NT5C1B: variants seen among roughly 807,000 people sequenced by gnomAD.
NT5C1B encodes the protein cytosolic 5'-nucleotidase 1B.
NT5C1B carries 44 observed loss-of-function variants against 57.8 expected under a neutral mutation model. The observed-to-expected ratio is 0.76, with a 90% CI of 0.60 to 0.98. NT5C1B has a LOEUF of 0.98. Ranked by LOEUF, NT5C1B falls within the 50% of genes least tolerant of loss-of-function variation. The pLI is 0.00. For missense variants in NT5C1B, 742 were observed against 719.5 expected, an observed-to-expected ratio of 1.03 and a Z score of -0.36; for synonymous variants, 284 against 282.6, an observed-to-expected ratio of 1.00 and a Z score of -0.05.
exon 1 of NT5C1B, chr2:18,589,523 C>T: frequency 6.2e-7 from 1 of 1,613,228 alleles, no homozygotes. Flanking sequence ...CTCCCCAGCT[C>T]CATTTCCTGT....
In NT5C1B at chr2:18,586,269, C is replaced by CCTGCTT. The variant is rs1276478538; in HGVS notation, c.237_242dup (p.Ser80_Arg81dup). The stretch of plus-strand genomic sequence containing the variant: ...TTACCTCTACCTTAGCACTGGTGTT[C>CCTGCTT]CTGCTTCTAGGCTCATCTATGGATG... On this transcript the variant is annotated inframe_insertion, in exon 3 of 9. Transcript: ENST00000304081. The CCTGCTT allele has an allele frequency of 1.9e-6, 3 of 1,613,968 alleles. No homozygotes were observed. In the African/African-American group the frequency reaches 4.0e-5, roughly 22 times the overall value.
chr2:18,563,388 ACTC>A (rs1482866195), exon 9 of NT5C1B: 1 of 154,702 alleles, frequency 6.5e-6, no homozygotes, highest in Admixed American at 6.5e-5. Flanking sequence ...GCTTAACCAT[ACTC>A]CTTCTACCTT....
chr2:18,564,176 T>C (rs1572289458), intron 8 of NT5C1B, 57 bp from the exon 9 acceptor site: 1 of 1,499,224 alleles, frequency 6.7e-7, no homozygotes, highest in African/African-American at 1.4e-5. Flanking sequence ...AAGTGAATGC[T>C]AAAAAGCAGA....
At chr2:18,580,870 T>C (rs183680920) in intron 6 of NT5C1B, among the ~76,000 whole-genome samples, 6 of 152,300 alleles carry the variant, frequency 3.9e-5, no homozygotes, top group African/African-American at 9.6e-5. Context: ...TTCTCACTTA[T>C]AAGTGGGAGC....
Position 18,586,342 on chromosome 2 carries a change from A to G in NT5C1B, c.170T>C (p.Val57Ala), listed in dbSNP as rs371760155. 4 of 1,614,160 alleles carry G rather than the reference A, an allele frequency of 2.5e-6. No individual in the cohort carries two copies. The South Asian group carries it at 4.4e-5, about 18-fold the overall frequency. ...GGATATTCTAGACCATTGACTGCGC[A>G]CAAGGTACCCTCGAGAGTCTGTCTT... The change falls in exon 3 of 9, where the codon GTG becomes GCG. Residue 57 changes from valine to alanine, a missense_variant. By Grantham distance (64) the Val-to-Ala change is moderately conservative. Coordinates refer to ENST00000304081, the Ensembl canonical transcript of NT5C1B.
intron 3 of NT5C1B, among the ~76,000 whole-genome samples, chr2:18,585,604 T>C (rs1404093330): frequency 2.0e-5 from 3 of 152,040 alleles, no homozygotes; most frequent in Admixed American, 6.6e-5. Context: ...TCTTCCCAAA[T>C]AGGGAAGGGC....
chr2:18,563,048 G>T (rs1049512370), exon 9 of NT5C1B: 10 of 148,914 alleles, frequency 6.7e-5, no homozygotes, highest in Non-Finnish European at 1.2e-4. Flanking sequence ...GTCACTTTTT[G>T]AAGTGGTAGC....
intron 6 of NT5C1B, among the ~76,000 whole-genome samples, chr2:18,582,579 C>T (rs1183983746): frequency 1.3e-5 from 2 of 152,158 alleles, no homozygotes; most frequent in Non-Finnish European, 2.9e-5. Context: ...AAGTCAAGTT[C>T]AGAAGTGAAA....
intron 8 of NT5C1B, among the ~76,000 whole-genome samples, chr2:18,570,726 T>A (rs568586043): frequency 5.3e-5 from 8 of 152,194 alleles, no homozygotes; most frequent in African/African-American, 1.9e-4. Context: ...AAAGTCAGAT[T>A]AAGATATTAC....
At chr2:18,581,994 T>C (rs1171599018) in intron 6 of NT5C1B, among the ~76,000 whole-genome samples, 1 of 152,212 alleles carries the variant, frequency 6.6e-6, no homozygotes, top group Non-Finnish European at 1.5e-5. Context: ...GAGGGATAGA[T>C]AGACCTCAAT....
intron 6 of NT5C1B, among the ~76,000 whole-genome samples, chr2:18,577,805 G>A (rs1410670022): frequency 2.0e-5 from 3 of 151,410 alleles, no homozygotes; most frequent in Non-Finnish European, 2.9e-5. Flanking sequence ...ATATACAAAA[G>A]ATCAAAAAAC....
intron 6 of NT5C1B, among the ~76,000 whole-genome samples, chr2:18,580,817 C>A (rs1666119461): frequency 1.3e-5 from 2 of 152,170 alleles, no homozygotes; most frequent in South Asian, 4.2e-4. Flanking sequence ...AGGCTATTAT[C>A]CTAAGTGAAT....
intron 8 of NT5C1B, among the ~76,000 whole-genome samples, chr2:18,575,907 T>C (rs1040937374): frequency 1.3e-5 from 2 of 152,264 alleles, no homozygotes; most frequent in South Asian, 2.1e-4. Context: ...TTACTCCCAA[T>C]TGGGAGAGGG....
intron 1 of NT5C1B, 67 bp from the exon 2 acceptor site, chr2:18,587,659 GA>G: frequency 6.5e-7 from 1 of 1,536,012 alleles, no homozygotes; most frequent in East Asian, 2.3e-5. Context: ...TTGGCTTTCA[GA>G]ATAAAAGGAT....
In NT5C1B at chr2:18,587,610, G is replaced by T. The variant is rs1357822180; in HGVS notation, c.31-18C>A. ...GGCTCATTCTTGACAAGGAAACAAA[G>T]AATGTTTATTAATTTTTAATCTCAG... On this transcript the variant is annotated intron_variant, in intron 1 of 8. Transcript: ENST00000304081. The T allele has an allele frequency of 6.2e-7, 1 of 1,602,978 alleles. No individual in the cohort carries two copies. Among genetic ancestry groups the T allele is most frequent in the African/African-American group, 1.3e-5 (1 of 74,130 alleles).
chr2:18,582,753 G>A (rs1013878973), intron 6 of NT5C1B, 115 bp downstream of exon 6: 1 of 1,429,256 alleles, frequency 7.0e-7, no homozygotes. Flanking sequence ...TGGCGCAGAA[G>A]GGGGTGTCAG....
intron 8 of NT5C1B, among the ~76,000 whole-genome samples, chr2:18,567,219 G>A (rs539821413): frequency 1.3e-5 from 2 of 152,228 alleles, no homozygotes; most frequent in South Asian, 4.1e-4. Flanking sequence ...GCTGCCACTG[G>A]GGGCAAAGAC....
chr2:18,574,562 C>T (rs1665503960), intron 8 of NT5C1B, among the ~76,000 whole-genome samples: 1 of 151,990 alleles, frequency 6.6e-6, no homozygotes, highest in Non-Finnish European at 1.5e-5. Context: ...TCACAATGGC[C>T]AATATTTGGA....
At position 18,587,036 on chromosome 2, in the gene NT5C1B, C is replaced by A. The variant is rs765397825; in HGVS notation, c.120+467G>T. ...GCTGGCCCTGCTCCCACAACAGGCA[C>A]ATGTGAATATAAATACGTATTGTGT... On this transcript the variant is annotated intron_variant, in intron 2 of 8. Transcript: ENST00000304081. The A allele has an allele frequency of 4.6e-5, 75 of 1,614,132 alleles. No individual in the cohort carries two copies. The highest frequency in any genetic ancestry group is 6.3e-5 in the Non-Finnish European group (74 of 1,180,058).
Sources: allele counts gnomAD v4.1 joint callset (sites outside exome capture counted in the v4.1 genomes callset), GRCh38; gene constraint gnomAD v4.1.1; transcripts MANE v1.5; gene names NCBI Gene and HGNC (gene_info 2026-07-23, HGNC 2026-07-21).